The following PDCL2 variants were observed in gnomAD, a reference collection of about 807,000 sequenced individuals.
PDCL2 encodes the protein phosducin like 2.
A neutral mutation model predicts 30.3 loss-of-function variants in PDCL2; 23 were observed. The ratio of observed to expected loss-of-function variants is 0.76; its 90% CI spans 0.55 to 1.08. The LOEUF (loss-of-function observed/expected upper bound fraction) is 1.08. Ranked by LOEUF, PDCL2 falls within the 50% of genes least tolerant of loss-of-function variation. PDCL2 has a pLI of 0.00. For missense variants in PDCL2, 243 were observed against 282.3 expected (o/e 0.86, Z 1.00); for synonymous variants, 68 against 86.2 (o/e 0.79, Z 1.17).
At chr4:55,573,673 C>T in intron 3 of PDCL2, among the ~76,000 whole-genome samples, 1 of 152,046 alleles carries the variant, frequency 6.6e-6, no homozygotes, top group South Asian at 2.1e-4. Flanking sequence ...ATCACTTGAG[C>T]CCAGGAGACA....
At chr4:55,592,074 C>T (rs981200870) in intron 1 of PDCL2, 30 bp downstream of exon 1, 6 of 1,608,612 alleles carry the variant, frequency 3.7e-6, no homozygotes, top group Non-Finnish European at 5.1e-6. Context: ...CTGGGTGTTC[C>T]AGGGTGGCTC....
intron 1 of PDCL2, among the ~76,000 whole-genome samples, chr4:55,583,504 G>A (rs1194382094): frequency 6.6e-6 from 1 of 152,068 alleles, no homozygotes; most frequent in Non-Finnish European, 1.5e-5. Flanking sequence ...ATAGTGTGTA[G>A]TTTTTCCCCT....
At position 55,573,901 on chromosome 4, in the gene PDCL2, G is replaced by GT. The variant is rs1242138615; in HGVS notation, c.219-4041dup. On this transcript the variant is annotated intron_variant, in intron 3 of 5. Coordinates refer to ENST00000295645, the MANE Select transcript of PDCL2 (RefSeq NM_152401.3). ...ACTAGTTTTTGTTTGTTTTTTGTTT[G>GT]TTTTTTTTTTTGAGACAGAGTCTCG... Among the ~76,000 whole-genome samples, 186 of 63,186 alleles carry GT rather than the reference G, an allele frequency of 2.9e-3. 2 individuals are homozygous for GT. In the East Asian group the frequency reaches 0.036, roughly 12 times the overall value. 41.5% of individuals were successfully genotyped at this position (63,186 alleles called of 152,430 possible). A position where few individuals can be genotyped will look rare whatever the true frequency, so the allele number is the denominator to read the frequency against.
intron 5 of PDCL2, among the ~76,000 whole-genome samples, chr4:55,560,849 G>A (rs994226431): frequency 6.6e-6 from 1 of 152,044 alleles, no homozygotes; most frequent in South Asian, 2.1e-4. Context: ...CTTCCACCAC[G>A]TAAGGTCAAT....
chr4:55,587,820 T>G lies in PDCL2; in HGVS notation c.6+4284A>C, dbSNP rs367579314. On this transcript the variant is annotated intron_variant, in intron 1 of 5. Coordinates refer to ENST00000295645, the MANE Select transcript of PDCL2 (RefSeq NM_152401.3). ...ATCCACCTGCCTCAGCCTCCCAAAG[T>G]GCTGGGATTACAGGTTTCAGCCACT... Among the ~76,000 whole-genome samples the G allele has an allele frequency of 7.2e-5, 11 of 152,288 alleles. No individual in the cohort carries two copies. In the South Asian group the frequency reaches 2.3e-3, roughly 32 times the overall value.
At chr4:55,582,309 G>C (rs1004900838) in intron 1 of PDCL2, 72 bp from the exon 2 acceptor site, 86 of 1,427,162 alleles carry the variant, frequency 6.0e-5, no homozygotes, top group Non-Finnish European at 7.5e-5. Context: ...AATTCATTAA[G>C]ATGTAGCACT....
At chr4:55,566,705 G>C (rs1732279062) in intron 4 of PDCL2, among the ~76,000 whole-genome samples, 1 of 152,062 alleles carries the variant, frequency 6.6e-6, no homozygotes, top group African/African-American at 2.4e-5. Context: ...TGGGATTACA[G>C]GCAATGAGCC....
chr4:55,589,425 A>C (rs1480352703), intron 1 of PDCL2, among the ~76,000 whole-genome samples: 7 of 152,224 alleles, frequency 4.6e-5, no homozygotes, highest in African/African-American at 1.7e-4. Flanking sequence ...TCACAGTTTA[A>C]GGTTGCTGGA....
chr4:55,583,788 C>T (rs985519562), intron 1 of PDCL2, among the ~76,000 whole-genome samples: 10 of 152,150 alleles, frequency 6.6e-5, no homozygotes, highest in South Asian at 4.1e-4. Flanking sequence ...GCCAGTACCA[C>T]GCTGTTTGGA....
intron 5 of PDCL2, among the ~76,000 whole-genome samples, chr4:55,557,345 G>T (rs1731997989): frequency 6.6e-6 from 1 of 152,162 alleles, no homozygotes; most frequent in South Asian, 2.1e-4. Context: ...GTACATGGTT[G>T]AGGGGCCTGC....
chr4:55,566,875 C>T (rs781684331), intron 4 of PDCL2, among the ~76,000 whole-genome samples: 5 of 152,064 alleles, frequency 3.3e-5, no homozygotes, highest in Admixed American at 6.5e-5. Flanking sequence ...CAATTTGAAG[C>T]AGACTAAATC....
rs373839347 is a variant in PDCL2 at position 55,580,952 on chromosome 4, A to T, written c.128-41T>A. 8,246 of 1,483,194 alleles carry T rather than the reference A, an allele frequency of 5.6e-3. 35 individuals carry two copies. Among genetic ancestry groups the T allele is most frequent in the Non-Finnish European group, 6.3e-3 (6,927 of 1,100,608 alleles). The allele number at this position is 1,483,194 out of a possible 1,614,324, so 91.9% of individuals were successfully genotyped here. A position where few individuals can be genotyped will look rare whatever the true frequency, so the allele number is the denominator to read the frequency against. ...TTATAGATTATCAAATTGTTTAAAA[A>T]TTTTTTTACTATACAGTCAATGTCT... On this transcript the variant is annotated intron_variant, in intron 2 of 5. Coordinates refer to ENST00000295645, the MANE Select transcript of PDCL2 (RefSeq NM_152401.3).
intron 4 of PDCL2, among the ~76,000 whole-genome samples, chr4:55,565,492 G>A (rs148848774): frequency 1.5e-3 from 230 of 152,196 alleles, no homozygotes; most frequent in African/African-American, 5.3e-3. Flanking sequence ...AAGGGGAAAA[G>A]CCCCTTATAA....
chr4:55,574,024 T>C (rs1481902543), intron 3 of PDCL2, among the ~76,000 whole-genome samples: 2 of 151,926 alleles, frequency 1.3e-5, no homozygotes, highest in Non-Finnish European at 2.9e-5. Flanking sequence ...CTCCCATTTA[T>C]CACTAGTTTT....
Position 55,580,811 on chromosome 4 carries a change from A to G in PDCL2, c.218+10T>C. 6.4e-7 allele frequency: 1 copy of G among 1,552,382 alleles called. No individual in the cohort carries two copies. The highest frequency in any genetic ancestry group is 8.7e-7 in the Non-Finnish European group (1 of 1,148,974). ...AAAAATTTATAATTAACCCAAATGA[A>G]TCACTGTACCTATATGTTTCAACAG... On this transcript the variant is annotated intron_variant, in intron 3 of 5. Transcript: ENST00000295645.
In PDCL2 at chr4:55,579,848, G is replaced by C. The variant is rs572497503; in HGVS notation, c.218+973C>G. The stretch of plus-strand genomic sequence containing the variant: ...CCCAGCCCCAATTCACTGGTTTTTT[G>C]TTTGTTTTTTTTTTCGAGGTGGAGT... On this transcript the variant is annotated intron_variant, in intron 3 of 5. Coordinates refer to ENST00000295645, the MANE Select transcript of PDCL2 (RefSeq NM_152401.3). Among the ~76,000 whole-genome samples, 49 of 149,186 alleles carry C rather than the reference G, an allele frequency of 3.3e-4. 1 individual carries two copies. Among genetic ancestry groups the C allele is most frequent in the African/African-American group, 1.2e-3 (48 of 40,598 alleles).
chr4:55,587,413 T>C (rs1732892005), intron 1 of PDCL2, among the ~76,000 whole-genome samples: 1 of 152,038 alleles, frequency 6.6e-6, no homozygotes, highest in African/African-American at 2.4e-5. Flanking sequence ...GCAAAATCTT[T>C]TGCCCATTTT....
chr4:55,569,890 A>T, intron 3 of PDCL2, 29 bp from the exon 4 acceptor site: 1 of 1,416,028 alleles, frequency 7.1e-7, no homozygotes, highest in Non-Finnish European at 9.6e-7. Flanking sequence ...TAAATTACAT[A>T]AGAATACTGT....
rs1732732803 is a variant in PDCL2, at chr4:55,582,148, T to G, written c.96A>C (p.Glu32Asp). Residue 32 changes from glutamate (E) to aspartate (D), a missense_variant, in exon 2 of 6, where the codon GAA becomes GAC. Physicochemically the swap from Glu to Asp is conservative, Grantham distance 45. Coordinates refer to ENST00000295645, the MANE Select transcript of PDCL2 (RefSeq NM_152401.3). ...PKEESKDEIE[E>D]MVLRLQKEAM... ...CTTCTTTCTGTAAACGTAAAACCAT[T>G]TCTTCAATTTCATCTTTTGACTCTT... 1 of 1,613,082 alleles carries G rather than the reference T, an allele frequency of 6.2e-7. No homozygotes were observed. The highest frequency in any genetic ancestry group is 1.1e-5 in the South Asian group (1 of 90,782).
Sources: allele counts gnomAD v4.1 joint callset (sites outside exome capture counted in the v4.1 genomes callset), GRCh38; gene constraint gnomAD v4.1.1; transcripts MANE v1.5; gene names NCBI Gene and HGNC (gene_info 2026-07-23, HGNC 2026-07-21).